The following CCDC91 variants were observed in gnomAD, a reference collection of about 807,000 sequenced individuals.
The protein encoded by CCDC91 is coiled-coil domain containing 91.
CCDC91 carries 48 observed loss-of-function variants against 63.2 expected under a neutral mutation model. The ratio of observed to expected loss-of-function variants is 0.76; its 90% CI spans 0.60 to 0.97. The LOEUF (loss-of-function observed/expected upper bound fraction) is 0.97, where lower values mean the gene tolerates loss of function less well. Ranked by LOEUF, CCDC91 falls within the 50% of genes least tolerant of loss-of-function variation. CCDC91 has a pLI of 0.00. For missense variants in CCDC91, 500 were observed against 494.6 expected, an observed-to-expected ratio of 1.01 and a Z score of -0.10; for synonymous variants, 167 against 165.8, an observed-to-expected ratio of 1.01 and a Z score of -0.06.
At chr12:28,540,866 A>C (rs944801502) in intron 12 of CCDC91, among the ~76,000 whole-genome samples, 1 of 152,114 alleles carries the variant, frequency 6.6e-6, no homozygotes, top group African/African-American at 2.4e-5. Context: ...ACCAGCTGCC[A>C]TCTCATTAGG....
chr12:28,521,674 G>C (rs1940685423), intron 12 of CCDC91, among the ~76,000 whole-genome samples: 1 of 152,120 alleles, frequency 6.6e-6, no homozygotes, highest in African/African-American at 2.4e-5. Flanking sequence ...AATGCTTCCA[G>C]TTTTTGCCCA....
intron 3 of CCDC91, among the ~76,000 whole-genome samples, chr12:28,281,224 A>G (rs1225384887): frequency 1.3e-5 from 2 of 152,166 alleles, no homozygotes. Context: ...TGGACATGGT[A>G]TTTGTATCAG....
At chr12:28,541,252 G>T (rs1942609903) in intron 12 of CCDC91, among the ~76,000 whole-genome samples, 1 of 152,054 alleles carries the variant, frequency 6.6e-6, no homozygotes, top group African/African-American at 2.4e-5. Flanking sequence ...ACAAGAAAAG[G>T]TCAGACTTAA....
At chr12:28,273,650 G>A (rs1228974891) in intron 3 of CCDC91, among the ~76,000 whole-genome samples, 20 of 147,634 alleles carry the variant, frequency 1.4e-4, no homozygotes, top group African/African-American at 2.8e-4. Context: ...TTTGAGAAGT[G>A]TCTGTTCATA....
At chr12:28,303,265 T>G (rs1938279504) in intron 3 of CCDC91, among the ~76,000 whole-genome samples, 1 of 152,118 alleles carries the variant, frequency 6.6e-6, no homozygotes, top group Non-Finnish European at 1.5e-5. Flanking sequence ...GAAGAATTTT[T>G]GTTATGAAGA....
intron 12 of CCDC91, among the ~76,000 whole-genome samples, chr12:28,526,704 A>T (rs1941292613): frequency 6.6e-6 from 1 of 151,890 alleles, no homozygotes; most frequent in African/African-American, 2.4e-5. Context: ...ATATTTTCTA[A>T]ACTTTTAGTT....
chr12:28,246,011 G>C (rs760244234), intron 1 of CCDC91, among the ~76,000 whole-genome samples: 7 of 152,146 alleles, frequency 4.6e-5, no homozygotes, highest in Non-Finnish European at 8.8e-5. Flanking sequence ...AAACTACCCA[G>C]ATGTCTCTTG....
chr12:28,230,023 A>G (rs1354297589), intron 1 of CCDC91, among the ~76,000 whole-genome samples: 1 of 152,166 alleles, frequency 6.6e-6, no homozygotes, highest in East Asian at 1.9e-4. Context: ...TCTTCTCAGA[A>G]ATGATTCTTT....
At chr12:28,227,255 A>T (rs1461715091) in intron 1 of CCDC91, among the ~76,000 whole-genome samples, 1 of 152,098 alleles carries the variant, frequency 6.6e-6, no homozygotes, top group Non-Finnish European at 1.5e-5. Flanking sequence ...TGTGCAGACC[A>T]CACTTGATGG....
At chr12:28,202,035 CTA>C (rs1228516487) in intron 1 of CCDC91, among the ~76,000 whole-genome samples, 4 of 152,056 alleles carry the variant, frequency 2.6e-5, no homozygotes, top group Non-Finnish European at 2.9e-5. Context: ...AGAGGGTTTT[CTA>C]TGTTTCTTCT....
At chr12:28,289,695 T>TC (rs1949115095) in intron 3 of CCDC91, among the ~76,000 whole-genome samples, 1 of 88,302 alleles carries the variant, frequency 1.1e-5, no homozygotes, top group African/African-American at 3.0e-5. Flanking sequence ...CTTTTTTTTT[T>TC]TTTTTTTTTT....
At chr12:28,386,662 C>T (rs1945622172) in intron 7 of CCDC91, among the ~76,000 whole-genome samples, 1 of 152,164 alleles carries the variant, frequency 6.6e-6, no homozygotes, top group Non-Finnish European at 1.5e-5. Context: ...CCACTCTGCC[C>T]AGCCTAAAAA....
At chr12:28,544,758 A>G (rs1168935233) in intron 12 of CCDC91, among the ~76,000 whole-genome samples, 4 of 152,102 alleles carry the variant, frequency 2.6e-5, no homozygotes, top group Non-Finnish European at 5.9e-5. Context: ...ACTTTAGACC[A>G]ATGTAAATTC....
chr12:28,452,147 G>A (rs1039480002), intron 10 of CCDC91, among the ~76,000 whole-genome samples: 1 of 150,748 alleles, frequency 6.6e-6, no homozygotes, highest in African/African-American at 2.4e-5. Flanking sequence ...TAATACATAT[G>A]ATCAACATAA....
intron 12 of CCDC91, among the ~76,000 whole-genome samples, chr12:28,527,402 C>G (rs1384556538): frequency 6.6e-6 from 1 of 152,180 alleles, no homozygotes; most frequent in Non-Finnish European, 1.5e-5. Flanking sequence ...GCAAATGTAT[C>G]AGACTCTGGG....
At chr12:28,419,473 A>G (rs564871106) in intron 8 of CCDC91, among the ~76,000 whole-genome samples, 2 of 152,150 alleles carry the variant, frequency 1.3e-5, no homozygotes, top group Admixed American at 6.6e-5. Context: ...AAAAATATAA[A>G]CCAATAAATC....
At chr12:28,253,845 T>G (rs1474440833) in intron 1 of CCDC91, among the ~76,000 whole-genome samples, 1 of 152,236 alleles carries the variant, frequency 6.6e-6, no homozygotes, top group South Asian at 2.1e-4. Flanking sequence ...AGGCATTTAA[T>G]GATGCTTCCA....
intron 8 of CCDC91, among the ~76,000 whole-genome samples, chr12:28,423,718 C>T (rs761623404): frequency 1.1e-4 from 16 of 152,016 alleles, no homozygotes; most frequent in Admixed American, 6.6e-5. Flanking sequence ...CTCAGCCATA[C>T]AACATGTATT....
chr12:28,348,376 G>A (rs1026453976), intron 6 of CCDC91, among the ~76,000 whole-genome samples: 12 of 152,120 alleles, frequency 7.9e-5, no homozygotes, highest in Non-Finnish European at 1.6e-4. Context: ...TTCAGCCCAC[G>A]TCTGCACTGC....
Sources: gnomAD v4.1 joint callset for allele counts (sites outside exome capture counted in the v4.1 genomes callset) on GRCh38, gnomAD v4.1.1 for gene constraint, MANE v1.5 for transcripts, NCBI Gene and HGNC (gene_info 2026-07-23, HGNC 2026-07-21) for gene names.